The following PSIP1 variants were observed in gnomAD, a reference collection of about 807,000 sequenced individuals.
PSIP1 encodes the protein PC4 and SRSF1 interacting protein 1, also known as PC4 and SFRS1-interacting protein.
PSIP1 carries 19 observed loss-of-function variants against 74.7 expected under a neutral mutation model. That is an observed-to-expected ratio of 0.25 (90% CI 0.18 to 0.37). The LOEUF (loss-of-function observed/expected upper bound fraction) is 0.37, where lower values mean the gene tolerates loss of function less well. PSIP1 is among the 10% of genes least tolerant of loss of function. The pLI is 1.00. For missense variants in PSIP1, 601 were observed against 614.3 expected, an observed-to-expected ratio of 0.98 and a Z score of 0.23; for synonymous variants, 222 against 195.3, an observed-to-expected ratio of 1.14 and a Z score of -1.14.
chr9:15,475,773 A>G (rs556876338), intron 8 of PSIP1, among the ~76,000 whole-genome samples: 2 of 152,142 alleles, frequency 1.3e-5, no homozygotes, highest in East Asian at 1.9e-4. Flanking sequence ...CTTGCTACCA[A>G]TGAGTCTTTT....
intron 4 of PSIP1, among the ~76,000 whole-genome samples, chr9:15,487,836 C>CAG (rs1295952266): frequency 6.6e-6 from 1 of 152,088 alleles, no homozygotes; most frequent in Non-Finnish European, 1.5e-5. Flanking sequence ...GTAGCAGGTA[C>CAG]AGACAAGTAC....
chr9:15,495,876 T>C (rs2037050891), intron 3 of PSIP1, among the ~76,000 whole-genome samples: 1 of 152,216 alleles, frequency 6.6e-6, no homozygotes, highest in Admixed American at 6.5e-5. Context: ...CTGCAAACCA[T>C]CTATATTCAC....
chr9:15,508,877 A>G (rs1030980823), intron 2 of PSIP1, among the ~76,000 whole-genome samples: 1 of 152,248 alleles, frequency 6.6e-6, no homozygotes. Flanking sequence ...CGAAAGGAAT[A>G]GATTAGAATG....
Position 15,506,593 on chromosome 9 carries a change from T to C in PSIP1, c.117A>G (p.Lys39=), listed in dbSNP as rs1387413481. ...GAGTTCCAAAAAAGAAAATGGGTAG[T>C]TTGTTTGTGGGTGGCTTTACAGCTC... ...PDGAVKPPTN[K]LPIFFFGTHE... Residue 39 remains lysine, a synonymous_variant, in exon 3 of 16, where the codon AAA becomes AAG. Transcript: ENST00000380733. 6.2e-7 allele frequency: 1 copy of C among 1,613,158 alleles called. No individual in the cohort carries two copies. Among genetic ancestry groups the C allele is most frequent in the East Asian group, 2.2e-5 (1 of 44,858 alleles).
chr9:15,478,399 TA>T, intron 8 of PSIP1, 77 bp downstream of exon 8: 1 of 1,098,976 alleles, frequency 9.1e-7, no homozygotes, highest in East Asian at 2.5e-5. Flanking sequence ...AGAAAACTGA[TA>T]AAATCGCAGA....
At position 15,469,925 on chromosome 9, in the gene PSIP1, T is replaced by G. The variant is rs1378521245; in HGVS notation, c.1033+13A>C. The G allele has an allele frequency of 6.3e-7, 1 of 1,597,918 alleles. No individual in the cohort carries two copies. Among genetic ancestry groups the G allele is most frequent in the South Asian group, 1.1e-5 (1 of 90,722 alleles). On this transcript the variant is annotated intron_variant, in intron 11 of 15. Transcript: ENST00000380733. ...GTATAATTTTATGTATCTTAGAAAG[T>G]GAAATAACTAACCTCGCTTCTTCTC...
chr9:15,473,949 C>CAAAAAAAAAAA, intron 9 of PSIP1, 60 bp downstream of exon 9: 1 of 842,770 alleles, frequency 1.2e-6, no homozygotes, highest in Non-Finnish European at 1.6e-6. Context: ...AAAGAAAAAA[C>CAAAAAAAAAAA]AAAAAATATA....
At chr9:15,493,552 A>G (rs2036931854) in intron 3 of PSIP1, among the ~76,000 whole-genome samples, 1 of 152,206 alleles carries the variant, frequency 6.6e-6, no homozygotes, top group Non-Finnish European at 1.5e-5. Context: ...AATTTACCAT[A>G]TTAGTCAGTT....
rs183901813 is a variant in PSIP1 at position 15,484,062 on chromosome 9, G to T, written c.456+1944C>A. On this transcript the variant is annotated intron_variant, in intron 6 of 15. Coordinates refer to ENST00000380733, the MANE Select transcript of PSIP1 (RefSeq NM_033222.5). ...CAGGAGAATCGCTTGAACCCGGGAG[G>T]TGGAGGTTGCAGTGAGCTAAGATCA... is the stretch of plus-strand genomic sequence containing the variant. Among the ~76,000 whole-genome samples, 149 of 150,850 alleles carry T rather than the reference G, an allele frequency of 9.9e-4. 2 individuals carry two copies. In the East Asian group the frequency reaches 0.023, roughly 23 times the overall value.
intron 3 of PSIP1, among the ~76,000 whole-genome samples, chr9:15,500,091 C>T (rs1231309633): frequency 6.6e-6 from 1 of 152,036 alleles, no homozygotes; most frequent in Non-Finnish European, 1.5e-5. Context: ...TTTATAATAG[C>T]ATGTATTAGT....
intron 2 of PSIP1, among the ~76,000 whole-genome samples, chr9:15,509,882 T>C (rs1262011783): frequency 6.6e-6 from 1 of 152,160 alleles, no homozygotes; most frequent in Non-Finnish European, 1.5e-5. Context: ...AGGAAGAAAA[T>C]CTGTCCAAGT....
At chr9:15,470,022 C>T (rs1169339752) in intron 10 of PSIP1, 29 bp from the exon 11 acceptor site, 1 of 1,565,618 alleles carries the variant, frequency 6.4e-7, no homozygotes, top group Non-Finnish European at 8.7e-7. Flanking sequence ...AATATTTCAA[C>T]ACATTGGAAT....
intron 6 of PSIP1, among the ~76,000 whole-genome samples, chr9:15,480,203 A>T (rs2036274993): frequency 6.6e-6 from 1 of 152,194 alleles, no homozygotes; most frequent in Non-Finnish European, 1.5e-5. Flanking sequence ...CCCAAATGAG[A>T]ATCAGTATTA....
chr9:15,468,541 G>A, intron 14 of PSIP1, 89 bp downstream of exon 14: 1 of 1,384,434 alleles, frequency 7.2e-7, no homozygotes. Flanking sequence ...CGTATACACA[G>A]TGAAACTATG....
chr9:15,470,772 A>G (rs2035789822), intron 10 of PSIP1: 1 of 984,804 alleles, frequency 1.0e-6, no homozygotes, highest in Non-Finnish European at 1.2e-6. Context: ...AGGAATGTCA[A>G]GAGAAGGGCC....
intron 6 of PSIP1, among the ~76,000 whole-genome samples, chr9:15,480,664 G>A (rs550192039): frequency 1.3e-5 from 2 of 152,360 alleles, no homozygotes; most frequent in East Asian, 3.9e-4. Flanking sequence ...GCTCACGCCT[G>A]TAATCCCAGC....
chr9:15,476,763 A>G (rs1000552829), intron 8 of PSIP1, among the ~76,000 whole-genome samples: 2 of 152,232 alleles, frequency 1.3e-5, no homozygotes, highest in Non-Finnish European at 2.9e-5. Context: ...TTAAACACAC[A>G]TACAAAAGTA....
At chr9:15,498,871 G>A (rs902536128) in intron 3 of PSIP1, among the ~76,000 whole-genome samples, 2 of 151,914 alleles carry the variant, frequency 1.3e-5, no homozygotes, top group Non-Finnish European at 2.9e-5. Context: ...TACGACAGAA[G>A]CTCCTTTAAA....
intron 8 of PSIP1, 29 bp downstream of exon 8, chr9:15,478,448 G>T: frequency 6.8e-7 from 1 of 1,475,610 alleles, no homozygotes; most frequent in Non-Finnish European, 9.4e-7. Flanking sequence ...CTCATTTATT[G>T]CATAATTATA....
Sources: allele counts gnomAD v4.1 joint callset (sites outside exome capture counted in the v4.1 genomes callset), GRCh38; gene constraint gnomAD v4.1.1; transcripts MANE v1.5; gene names NCBI Gene and HGNC (gene_info 2026-07-23, HGNC 2026-07-21).